The following GBE1 variants were observed in gnomAD, a reference collection of about 807,000 sequenced individuals.
GBE1 encodes the protein 1,4-alpha-glucan-branching enzyme.
Under a neutral mutation model 88.8 loss-of-function variants are expected in GBE1, and 70 were observed. That is an observed-to-expected ratio of 0.79 (90% confidence interval 0.65 to 0.96). The LOEUF is 0.96. GBE1 is among the 40% of genes least tolerant of loss of function. GBE1 has a pLI of 0.00. For missense variants in GBE1, 872 were observed against 871.0 expected, an observed-to-expected ratio of 1.00 and a Z score of -0.01; for synonymous variants, 284 against 300.1, an observed-to-expected ratio of 0.95 and a Z score of 0.56.
rs1251402019 is a variant in GBE1, at chr3:81,499,219, A to G, written c.1943T>C (p.Ile648Thr). 1.3e-6 allele frequency: 2 copies of G among 1,590,136 alleles called. No homozygotes were observed. The highest frequency in any genetic ancestry group is 2.2e-5 in the South Asian group (2 of 89,628). The change falls in exon 15 of 16, where the codon ATT (isoleucine) becomes ACT (threonine). Residue 648 changes from isoleucine (I) to threonine (T), a missense_variant. Transcript: ENST00000429644. ...VGTALPGKFK[I>T]VLDSDAAEYG... ...TTCCGCTGCATCTGAATCTAGCACA[A>G]TTTTGAATGTACAGCTCTTAAGGAA...
At chr3:81,697,677 G>C (rs539552355) in intron 2 of GBE1, among the ~76,000 whole-genome samples, 1 of 152,274 alleles carries the variant, frequency 6.6e-6, no homozygotes, top group East Asian at 1.9e-4. Flanking sequence ...TTGGAACCCA[G>C]TTCTCTTGGG....
At chr3:81,491,497 A>G (rs982334545) in intron 15 of GBE1, among the ~76,000 whole-genome samples, 6 of 152,218 alleles carry the variant, frequency 3.9e-5, no homozygotes, top group African/African-American at 7.2e-5. Flanking sequence ...TTAACAAGAT[A>G]TTCTCTAATA....
intron 1 of GBE1, among the ~76,000 whole-genome samples, chr3:81,707,751 G>A (rs1705799035): frequency 6.6e-6 from 1 of 151,848 alleles, no homozygotes. Flanking sequence ...ACTATTTAAG[G>A]TAAAGAAATT....
intron 14 of GBE1, among the ~76,000 whole-genome samples, chr3:81,514,086 A>T (rs1055546036): frequency 3.3e-5 from 5 of 151,746 alleles, no homozygotes; most frequent in African/African-American, 1.2e-4. Context: ...ATAATGTTTC[A>T]GAATTAGAAA....
At chr3:81,707,105 C>T (rs1425147911) in intron 1 of GBE1, among the ~76,000 whole-genome samples, 1 of 151,714 alleles carries the variant, frequency 6.6e-6, no homozygotes, top group East Asian at 1.9e-4. Context: ...AGAATTAAAT[C>T]CACATATTAA....
intron 9 of GBE1, among the ~76,000 whole-genome samples, chr3:81,587,041 G>A (rs892460447): frequency 8.6e-5 from 13 of 151,834 alleles, no homozygotes; most frequent in Non-Finnish European, 1.6e-4. Context: ...ACGGGAGTCC[G>A]AACTCCCATC....
chr3:81,492,002 G>A (rs1002932384), intron 15 of GBE1, among the ~76,000 whole-genome samples: 1 of 152,196 alleles, frequency 6.6e-6, no homozygotes, highest in African/African-American at 2.4e-5. Flanking sequence ...GGATTTAATG[G>A]CTAGAGAATA....
chr3:81,548,804 A>T (rs1179004556), intron 12 of GBE1, among the ~76,000 whole-genome samples: 1 of 150,814 alleles, frequency 6.6e-6, no homozygotes, highest in Non-Finnish European at 1.5e-5. Context: ...GCAGAAGATG[A>T]GTTAACTGCA....
chr3:81,642,724 TAA>T, intron 7 of GBE1, 55 bp downstream of exon 7: 1 of 1,116,254 alleles, frequency 9.0e-7, no homozygotes, highest in South Asian at 1.3e-5. Flanking sequence ...GTGAAATTCT[TAA>T]AAATTAATGT....
At chr3:81,523,166 A>T in intron 14 of GBE1, among the ~76,000 whole-genome samples, 1 of 150,302 alleles carries the variant, frequency 6.7e-6, no homozygotes, top group East Asian at 2.0e-4. Flanking sequence ...GCTATATAAT[A>T]TATATAATAC....
At chr3:81,743,563 T>C (rs781287934) in intron 1 of GBE1, 3 of 1,534,496 alleles carry the variant, frequency 2.0e-6, no homozygotes, top group South Asian at 2.4e-5. Flanking sequence ...TCACCTCACT[T>C]TAGCAAGATT....
chr3:81,621,313 C>T (rs1044986326), intron 7 of GBE1, among the ~76,000 whole-genome samples: 15 of 152,012 alleles, frequency 9.9e-5, no homozygotes, highest in East Asian at 1.9e-4. Context: ...TTAATAGATT[C>T]GACCTAGAAA....
intron 3 of GBE1, among the ~76,000 whole-genome samples, chr3:81,658,387 T>A (rs1704972994): frequency 6.6e-6 from 1 of 152,150 alleles, no homozygotes; most frequent in South Asian, 2.1e-4. Flanking sequence ...TACACATAGC[T>A]TCTTTGTCCC....
At chr3:81,644,486 T>A (rs1262823580) in intron 6 of GBE1, among the ~76,000 whole-genome samples, 1 of 152,140 alleles carries the variant, frequency 6.6e-6, no homozygotes, top group Non-Finnish European at 1.5e-5. Flanking sequence ...CCAAACAGGC[T>A]ACTCTAACTG....
chr3:81,681,186 T>C (rs949618155), intron 2 of GBE1, among the ~76,000 whole-genome samples: 10 of 152,216 alleles, frequency 6.6e-5, no homozygotes, highest in African/African-American at 2.4e-4. Context: ...GAATGCCATA[T>C]GGTCTATAAC....
At chr3:81,757,680 C>G (rs752451491) in intron 1 of GBE1, among the ~76,000 whole-genome samples, 1 of 152,148 alleles carries the variant, frequency 6.6e-6, no homozygotes, top group Admixed American at 6.5e-5. Flanking sequence ...ATTCCAGACA[C>G]TGCGATTGGG....
chr3:81,668,173 G>A (rs1315083131), intron 3 of GBE1, among the ~76,000 whole-genome samples: 2 of 152,068 alleles, frequency 1.3e-5, no homozygotes, highest in Non-Finnish European at 2.9e-5. Context: ...TGAACAATGA[G>A]AATACACGGG....
At chr3:81,739,073 A>C (rs537436663) in intron 1 of GBE1, among the ~76,000 whole-genome samples, 1 of 152,246 alleles carries the variant, frequency 6.6e-6, no homozygotes, top group East Asian at 1.9e-4. Context: ...TGCCTCTCTT[A>C]TAAAGGTACT....
chr3:81,680,173 C>T (rs1705317062), intron 2 of GBE1, among the ~76,000 whole-genome samples: 1 of 152,278 alleles, frequency 6.6e-6, no homozygotes. Context: ...ATATTAAATA[C>T]TACCATGACA....
Sources: gnomAD v4.1 joint callset for allele counts (sites outside exome capture counted in the v4.1 genomes callset) on GRCh38, gnomAD v4.1.1 for gene constraint, MANE v1.5 for transcripts, NCBI Gene and HGNC (gene_info 2026-07-23, HGNC 2026-07-21) for gene names.